The following RANBP10 variants were observed in gnomAD, a reference collection of about 807,000 sequenced individuals.
RANBP10 encodes the protein ran-binding protein 10.
Under a neutral mutation model 72.8 loss-of-function variants are expected in RANBP10, and 24 were observed. That is an observed-to-expected ratio of 0.33 (90% CI 0.24 to 0.46). The LOEUF (loss-of-function observed/expected upper bound fraction) is 0.46, where lower values mean the gene tolerates loss of function less well. Ranked by LOEUF, RANBP10 falls within the 20% of genes least tolerant of loss-of-function variation. RANBP10 has a pLI of 1.00. For missense variants in RANBP10, 679 were observed against 817.5 expected (o/e 0.83, Z 2.07); for synonymous variants, 310 against 322.3 (o/e 0.96, Z 0.41).
chr16:67,727,744 C>A lies in RANBP10; in HGVS notation c.1620+7G>T, dbSNP rs545615065. 6.8e-6 allele frequency: 11 copies of A among 1,614,170 alleles called. No homozygotes were observed. In the Admixed American group the frequency reaches 1.8e-4, roughly 27 times the overall value. The stretch of plus-strand genomic sequence containing the variant: ...CTGCTCTGCATGAGGCCCGGCTCAT[C>A]CTGTACCTGCAGCATCTCTGTGTGG... On this transcript the variant is annotated splice_region_variant and intron_variant, in intron 12 of 13. Transcript: ENST00000317506.
At chr16:67,744,247 G>C (rs894342762) in intron 4 of RANBP10, 41 bp downstream of exon 4, 5 of 1,586,928 alleles carry the variant, frequency 3.2e-6, no homozygotes, top group Non-Finnish European at 4.3e-6. Context: ...AACCAAAGTG[G>C]CTCCACAGAG....
At chr16:67,772,749 T>TG (rs1324694908) in intron 2 of RANBP10, among the ~76,000 whole-genome samples, 18 of 152,098 alleles carry the variant, frequency 1.2e-4, no homozygotes, top group Admixed American at 1.2e-3. Context: ...GTGATCTCAT[T>TG]GGAGTATGCA....
chr16:67,745,427 C>A lies in RANBP10; in HGVS notation c.401-972G>T, dbSNP rs528662659. ...TTGGCTCACTGCAACCTCTGCCTCCCAGGTTCAAGTGATTCTCTTGCCTCA... is the reference window on the plus strand; with the variant it reads ...TTGGCTCACTGCAACCTCTGCCTCCAAGGTTCAAGTGATTCTCTTGCCTCA... On this transcript the variant is annotated intron_variant, in intron 3 of 13. Transcript: ENST00000317506. Among the ~76,000 whole-genome samples, 23 of 152,052 alleles carry A rather than the reference C, an allele frequency of 1.5e-4. No individual in the cohort carries two copies. In the South Asian group the frequency reaches 3.7e-3, roughly 25 times the overall value.
At position 67,728,509 on chromosome 16, in the gene RANBP10, T is replaced by A. The variant is rs1356163908; in HGVS notation, c.1355A>T (p.Asp452Val). The A allele has an allele frequency of 6.2e-7, 1 of 1,614,084 alleles. No homozygotes were observed. Among genetic ancestry groups the A allele is most frequent in the Non-Finnish European group, 8.5e-7 (1 of 1,180,014 alleles). The change falls in exon 11 of 14, where the codon GAC becomes GTC. Residue 452 changes from aspartate (D) to valine (V), a missense_variant and splice_region_variant. Physicochemically the swap from Asp to Val is radical, Grantham distance 152 (BLOSUM62 -3). Coordinates refer to ENST00000317506, the MANE Select transcript of RANBP10 (RefSeq NM_020850.3). ...CTCTGCCTCCATCTCCATCTCACTGTCGCTGTGGGGAGGGGTTGAGGTGGG... is the reference window on the plus strand; with the variant it reads ...CTCTGCCTCCATCTCCATCTCACTGACGCTGTGGGGAGGGGTTGAGGTGGG... Reference protein sequence around the residue: ...HSSTSNQETSDSEMEMEAEHY... With the variant: ...HSSTSNQETSVSEMEMEAEHY...
intron 4 of RANBP10, among the ~76,000 whole-genome samples, chr16:67,743,681 C>T (rs2054012866): frequency 6.6e-6 from 1 of 152,170 alleles, no homozygotes; most frequent in African/African-American, 2.4e-5. Flanking sequence ...CCTGCAGGGC[C>T]ACATCTGGGC....
intron 6 of RANBP10, among the ~76,000 whole-genome samples, chr16:67,732,628 T>G (rs1424629501): frequency 1.3e-5 from 2 of 152,116 alleles, no homozygotes; most frequent in African/African-American, 4.8e-5. Context: ...GTATAAATAA[T>G]AATTATCAGC....
chr16:67,754,660 T>C (rs1290226586), intron 3 of RANBP10, among the ~76,000 whole-genome samples: 1 of 152,200 alleles, frequency 6.6e-6, no homozygotes, highest in Non-Finnish European at 1.5e-5. Flanking sequence ...AGTGAGTCTG[T>C]TGTCAGCCTC....
intron 2 of RANBP10, among the ~76,000 whole-genome samples, chr16:67,792,431 G>A (rs1269952943): frequency 6.6e-6 from 1 of 151,840 alleles, no homozygotes; most frequent in Admixed American, 6.6e-5. Context: ...GCGTAGTGGC[G>A]GACGCCTGTA....
chr16:67,785,475 C>T (rs2054898374), intron 2 of RANBP10, among the ~76,000 whole-genome samples: 2 of 152,010 alleles, frequency 1.3e-5, no homozygotes, highest in Admixed American at 1.3e-4. Flanking sequence ...TGCCTATAAT[C>T]CCAGCACTTT....
intron 3 of RANBP10, among the ~76,000 whole-genome samples, chr16:67,746,140 G>A (rs1037996513): frequency 7.2e-6 from 1 of 139,134 alleles, no homozygotes; most frequent in African/African-American, 2.7e-5. Flanking sequence ...TGGGCAACAA[G>A]AGCGAAACTC....
chr16:67,735,125 G>C, intron 5 of RANBP10, 83 bp from the exon 6 acceptor site: 1 of 1,332,346 alleles, frequency 7.5e-7, no homozygotes, highest in Non-Finnish European at 1.0e-6. Flanking sequence ...GCTGCTGCTG[G>C]CCCATGCTTG....
chr16:67,762,157 CGGGAAGCTGAGGCAAGAAAATCACTT>C (rs1320055358), intron 3 of RANBP10, among the ~76,000 whole-genome samples: 1 of 152,006 alleles, frequency 6.6e-6, no homozygotes, highest in Non-Finnish European at 1.5e-5. Flanking sequence ...TCCAGCTACT[CGGGAAGCTGAGGCAAGAAAATCACTT>C]GAGCCCAGGA....
At chr16:67,753,230 G>A (rs1419968195) in intron 3 of RANBP10, among the ~76,000 whole-genome samples, 1 of 151,056 alleles carries the variant, frequency 6.6e-6, no homozygotes, top group Admixed American at 6.6e-5. Flanking sequence ...AAAAGGCTGT[G>A]TGCAGCGGCT....
At chr16:67,799,053 G>A (rs1329778759) in intron 2 of RANBP10, among the ~76,000 whole-genome samples, 1 of 151,796 alleles carries the variant, frequency 6.6e-6, no homozygotes, top group Non-Finnish European at 1.5e-5. Context: ...AGCCTCCCAA[G>A]TAGCTGGGAT....
chr16:67,745,624 C>T (rs1467167083), intron 3 of RANBP10, among the ~76,000 whole-genome samples: 4 of 152,290 alleles, frequency 2.6e-5, no homozygotes, highest in Non-Finnish European at 4.4e-5. Flanking sequence ...CGTGAGCCAC[C>T]GTACCTGGCC....
At chr16:67,787,229 ACT>A (rs1343385525) in intron 2 of RANBP10, among the ~76,000 whole-genome samples, 1 of 152,092 alleles carries the variant, frequency 6.6e-6, no homozygotes, top group Admixed American at 6.6e-5. Context: ...ACAGAGTGAG[ACT>A]CTATCTCAAT....
intron 2 of RANBP10, among the ~76,000 whole-genome samples, chr16:67,772,302 G>C (rs1292880399): frequency 6.6e-6 from 1 of 152,154 alleles, no homozygotes; most frequent in Non-Finnish European, 1.5e-5. Context: ...AAAACAGAAA[G>C]TTGCGTGTGT....
intron 2 of RANBP10, among the ~76,000 whole-genome samples, chr16:67,773,994 G>A (rs1358280944): frequency 2.6e-5 from 4 of 152,214 alleles, no homozygotes; most frequent in African/African-American, 4.8e-5. Context: ...ATTAAAACTT[G>A]CACATTTTTC....
At chr16:67,784,446 T>TG (rs954345129) in intron 2 of RANBP10, among the ~76,000 whole-genome samples, 2 of 151,656 alleles carry the variant, frequency 1.3e-5, no homozygotes, top group Non-Finnish European at 2.9e-5. Context: ...CACCTGAGGT[T>TG]GGGAGTTTGA....
Sources: allele counts gnomAD v4.1 joint callset (sites outside exome capture counted in the v4.1 genomes callset), GRCh38; gene constraint gnomAD v4.1.1; transcripts MANE v1.5; gene names NCBI Gene and HGNC (gene_info 2026-07-23, HGNC 2026-07-21).